Variants in WDR17 observed in about 807,000 individuals in gnomAD.
WDR17 encodes WD repeat-containing protein 17.
A neutral mutation model predicts 161.7 loss-of-function variants in WDR17; 143 were observed. The ratio of observed to expected loss-of-function variants is 0.88; its 90% CI spans 0.77 to 1.02. WDR17 has a LOEUF of 1.02. Ranked by LOEUF, WDR17 falls within the 50% of genes least tolerant of loss-of-function variation. The pLI, the probability that WDR17 is intolerant of heterozygous loss-of-function variation, is 0.00. For synonymous variants in WDR17, 517 were observed against 515.6 expected (o/e 1.00, Z -0.04); for missense variants, 1,469 against 1,520.9 (o/e 0.97, Z 0.57).
chr4:176,134,758 G>T lies in WDR17; in HGVS notation c.1099-350G>T, dbSNP rs141749786. Among the ~76,000 whole-genome samples the T allele has an allele frequency of 4.5e-3, 689 of 151,734 alleles. 5 individuals carry two copies. Among genetic ancestry groups the T allele is most frequent in the African/African-American group, 0.016 (660 of 41,510 alleles). On this transcript the variant is annotated intron_variant, in intron 7 of 28. Transcript: ENST00000508596. ...ATATGGTAACTATTAAGAGTTAATT[G>T]CTTTATAGATTTCTAGCATAGTATC...
At chr4:176,076,254 T>TATATATATAC (rs1484407765) in intron 1 of WDR17, among the ~76,000 whole-genome samples, 1 of 59,510 alleles carries the variant, frequency 1.7e-5, no homozygotes, top group Non-Finnish European at 4.2e-5. Context: ...TATATATATA[T>TATATATATAC]ACACACACAC....
At chr4:176,157,564 C>T (rs963623082) in intron 18 of WDR17, among the ~76,000 whole-genome samples, 2 of 148,338 alleles carry the variant, frequency 1.3e-5, no homozygotes, top group African/African-American at 4.9e-5. Flanking sequence ...AATGTTATTG[C>T]TCTCACCGAA....
At chr4:176,115,757 A>G in intron 2 of WDR17, 39 bp from the exon 3 acceptor site, 2 of 1,463,180 alleles carry the variant, frequency 1.4e-6, no homozygotes, top group Non-Finnish European at 1.8e-6. Flanking sequence ...TATCTTAAAA[A>G]GGAGCACTAA....
At chr4:176,069,612 A>G (rs866307692) in intron 1 of WDR17, among the ~76,000 whole-genome samples, 1 of 152,102 alleles carries the variant, frequency 6.6e-6, no homozygotes, top group Non-Finnish European at 1.5e-5. Flanking sequence ...AATTTTTCTT[A>G]TGCTTAGGTT....
chr4:176,069,720 A>G (rs1732979028), intron 1 of WDR17, among the ~76,000 whole-genome samples: 2 of 152,154 alleles, frequency 1.3e-5, no homozygotes, highest in Non-Finnish European at 2.9e-5. Context: ...TAGTAAGTTC[A>G]ATTTCATATC....
intron 3 of WDR17, among the ~76,000 whole-genome samples, chr4:176,117,771 A>C (rs1158767118): frequency 3.9e-5 from 6 of 152,104 alleles, no homozygotes; most frequent in African/African-American, 1.4e-4. Context: ...TTCAGCTATC[A>C]ATATCTCCCT....
At position 176,116,034 on chromosome 4, in the gene WDR17, G is replaced by C. The variant is rs1055880511; in HGVS notation, c.307+55G>C. ...GAATAAAATATTTTTATTTCAACAAGCACTATCAATATTATTAGTTCAGCT... is the reference window on the plus strand; with the variant it reads ...GAATAAAATATTTTTATTTCAACAACCACTATCAATATTATTAGTTCAGCT... On this transcript the variant is annotated intron_variant, in intron 3 of 28. Coordinates refer to ENST00000508596, the MANE Select transcript of WDR17 (RefSeq NM_181265.4). The C allele has an allele frequency of 2.7e-5, 40 of 1,488,480 alleles. 1 individual carries two copies. Among genetic ancestry groups the C allele is most frequent in the Admixed American group, 6.4e-5 (3 of 47,178 alleles). The allele number at this position is 1,488,480 out of a possible 1,614,324, so 92.2% of individuals were successfully genotyped here.
At chr4:176,087,113 T>C (rs1735518830) in intron 1 of WDR17, among the ~76,000 whole-genome samples, 1 of 151,954 alleles carries the variant, frequency 6.6e-6, no homozygotes, top group Non-Finnish European at 1.5e-5. Context: ...TTAATATTTA[T>C]TTATATTTAA....
At chr4:176,172,800 G>A (rs2126885580) in intron 24 of WDR17, among the ~76,000 whole-genome samples, 2 of 152,156 alleles carry the variant, frequency 1.3e-5, no homozygotes, top group Middle Eastern at 6.8e-3. Context: ...GGGGCAGAGA[G>A]AAGGGATGAA....
chr4:176,121,505 A>G (rs888633554), intron 4 of WDR17, among the ~76,000 whole-genome samples: 1 of 152,178 alleles, frequency 6.6e-6, no homozygotes, highest in Admixed American at 6.5e-5. Flanking sequence ...GCACCCAAAG[A>G]TTTCATCAGG....
At position 176,177,614 on chromosome 4, in the gene WDR17, C is replaced by G. The variant is rs762992385; in HGVS notation, c.3692C>G (p.Ser1231Cys). Reference protein sequence around the residue: ...YVTGSNLPSHSDIHISCLTGL... With the variant: ...YVTGSNLPSHCDIHISCLTGL... ...ACTGGATCAAATCTTCCAAGTCATT[C>G]TGATATTCACATTTCTTGTCTTACG... The change falls in exon 28 of 29, where the codon TCT becomes TGT. Residue 1231 changes from serine (S) to cysteine (C), a missense_variant. Physicochemically the swap from Ser to Cys is moderately radical, Grantham distance 112. Transcript: ENST00000508596. 5 of 1,596,960 alleles carry G rather than the reference C, an allele frequency of 3.1e-6. No individual in the cohort carries two copies. In the South Asian group the frequency reaches 5.7e-5, roughly 18 times the overall value.
intron 1 of WDR17, among the ~76,000 whole-genome samples, chr4:176,100,873 T>A (rs1737712830): frequency 6.6e-6 from 1 of 152,140 alleles, no homozygotes; most frequent in Admixed American, 6.6e-5. Flanking sequence ...CTTGTTGGCC[T>A]TGTTAAAGAT....
At chr4:176,131,774 G>C (rs7699831) in intron 7 of WDR17, 36 bp downstream of exon 7, 359,560 of 1,443,256 alleles carry the variant, frequency 0.25, 46,161 homozygotes, top group Middle Eastern at 0.35. Context: ...ATACATAATA[G>C]TTTTTTGTGT....
intron 5 of WDR17, among the ~76,000 whole-genome samples, chr4:176,126,345 C>CAG (rs67032682): frequency 0.19 from 28,280 of 151,956 alleles, 2,873 homozygotes; most frequent in South Asian, 0.26. Context: ...TGATTGTGTT[C>CAG]AGAGAGAGAG....
chr4:176,164,474 G>A (rs1242403025), intron 22 of WDR17, among the ~76,000 whole-genome samples: 1 of 152,178 alleles, frequency 6.6e-6, no homozygotes, highest in Non-Finnish European at 1.5e-5. Context: ...CCTTCAGGCT[G>A]TGTGGATAAG....
At chr4:176,167,523 G>A (rs1302223298) in intron 22 of WDR17, among the ~76,000 whole-genome samples, 1 of 150,124 alleles carries the variant, frequency 6.7e-6, no homozygotes, top group Non-Finnish European at 1.5e-5. Flanking sequence ...GCGGGCGCCT[G>A]TAGTCCCAGC....
intron 4 of WDR17, among the ~76,000 whole-genome samples, chr4:176,122,924 G>A (rs928943606): frequency 1.3e-5 from 2 of 152,148 alleles, no homozygotes; most frequent in Non-Finnish European, 2.9e-5. Context: ...TGATCCAGCT[G>A]AGCTTTAAGC....
intron 2 of WDR17, 120 bp downstream of exon 2, chr4:176,111,823 A>G (rs1488684757): frequency 9.9e-6 from 10 of 1,013,724 alleles, no homozygotes; most frequent in African/African-American, 8.4e-5. Context: ...TTATATTTAT[A>G]TTTTTAAAGT....
intron 2 of WDR17, among the ~76,000 whole-genome samples, chr4:176,114,053 T>C (rs1364927615): frequency 1.3e-5 from 2 of 152,048 alleles, no homozygotes; most frequent in African/African-American, 2.4e-5. Context: ...ATGTCAGTGG[T>C]CACTGATATG....
Sources: allele counts gnomAD v4.1 joint callset (sites outside exome capture counted in the v4.1 genomes callset), GRCh38; gene constraint gnomAD v4.1.1; transcripts MANE v1.5; gene names NCBI Gene and HGNC (gene_info 2026-07-23, HGNC 2026-07-21).